ATRNL1: variants seen among roughly 807,000 people sequenced by gnomAD.
The protein encoded by ATRNL1 is attractin-like protein 1.
A neutral mutation model predicts 182.7 loss-of-function variants in ATRNL1; 95 were observed. That is an observed-to-expected ratio of 0.52 (90% CI 0.44 to 0.62). The LOEUF is 0.62. Among genes scored for constraint, ATRNL1 ranks in the 20% least tolerant of loss-of-function variants. The pLI is 0.00. For missense variants in ATRNL1, 1,471 were observed against 1,679.5 expected (o/e 0.88, Z 2.17); for synonymous variants, 576 against 568.3 (o/e 1.01, Z -0.19).
intron 26 of ATRNL1, among the ~76,000 whole-genome samples, chr10:115,598,356 T>C (rs1291097885): frequency 1.4e-5 from 2 of 144,672 alleles, no homozygotes; most frequent in Non-Finnish European, 3.0e-5. Context: ...AAAAATTATT[T>C]ATTTATTTAT....
At chr10:115,416,123 A>T (rs569063704) in intron 20 of ATRNL1, among the ~76,000 whole-genome samples, 1 of 152,090 alleles carries the variant, frequency 6.6e-6, no homozygotes, top group African/African-American at 2.4e-5. Flanking sequence ...AAAGTTAAAG[A>T]TTATCTTTGA....
chr10:115,713,466 T>TGTTTGTGTGTGTATGTGA (rs1565310421), intron 26 of ATRNL1, among the ~76,000 whole-genome samples: 1 of 151,816 alleles, frequency 6.6e-6, no homozygotes, highest in Admixed American at 6.6e-5. Context: ...TGTGTGTGTG[T>TGTTTGTGTGTGTATGTGA]TTGTGTGTGT....
chr10:115,595,989 C>G (rs1328003661), intron 26 of ATRNL1, among the ~76,000 whole-genome samples: 2 of 152,036 alleles, frequency 1.3e-5, no homozygotes, highest in Non-Finnish European at 2.9e-5. Flanking sequence ...GTTTTCATCT[C>G]TGTGGTTTTG....
intron 26 of ATRNL1, among the ~76,000 whole-genome samples, chr10:115,561,727 G>A (rs1029159720): frequency 1.4e-5 from 2 of 147,700 alleles, no homozygotes; most frequent in East Asian, 2.1e-4. Context: ...GTGTGTGTTT[G>A]TGTGGTCAGT....
At chr10:115,455,397 A>G (rs963841045) in intron 21 of ATRNL1, among the ~76,000 whole-genome samples, 1 of 152,166 alleles carries the variant, frequency 6.6e-6, no homozygotes, top group Non-Finnish European at 1.5e-5. Context: ...AGGATTCCCT[A>G]TGTAATAAAT....
chr10:115,254,195 C>T (rs1448276410), intron 10 of ATRNL1, among the ~76,000 whole-genome samples: 1 of 152,134 alleles, frequency 6.6e-6, no homozygotes, highest in African/African-American at 2.4e-5. Context: ...GTTCTAAATC[C>T]TTGAGGAATC....
chr10:115,589,304 CTTAAAA>C (rs1208447313), intron 26 of ATRNL1, among the ~76,000 whole-genome samples: 63 of 151,970 alleles, frequency 4.1e-4, no homozygotes, highest in African/African-American at 1.4e-3. Flanking sequence ...AAATGATCTA[CTTAAAA>C]TTAATTACTC....
chr10:115,401,091 G>T (rs1312514824), intron 20 of ATRNL1, among the ~76,000 whole-genome samples: 2 of 151,750 alleles, frequency 1.3e-5, no homozygotes, highest in Admixed American at 6.6e-5. Flanking sequence ...GGTGGAGATG[G>T]AATAGCACCC....
chr10:115,903,943 C>T (rs782770176), intron 28 of ATRNL1, among the ~76,000 whole-genome samples: 5 of 151,966 alleles, frequency 3.3e-5, no homozygotes, highest in African/African-American at 4.8e-5. Context: ...GACACCAAGA[C>T]GAGGTGAAAT....
At chr10:115,255,245 T>C (rs1242026180) in intron 10 of ATRNL1, among the ~76,000 whole-genome samples, 2 of 152,234 alleles carry the variant, frequency 1.3e-5, no homozygotes, top group East Asian at 1.9e-4. Flanking sequence ...ATTTTCACGA[T>C]ACTGATTCTT....
At chr10:115,097,513 T>A (rs1261052032) in intron 1 of ATRNL1, among the ~76,000 whole-genome samples, 1 of 151,936 alleles carries the variant, frequency 6.6e-6, no homozygotes, top group Non-Finnish European at 1.5e-5. Context: ...ATATGAAGCA[T>A]TCTATTTGTA....
At chr10:115,484,063 T>C (rs1848901224) in intron 24 of ATRNL1, among the ~76,000 whole-genome samples, 1 of 151,530 alleles carries the variant, frequency 6.6e-6, no homozygotes, top group African/African-American at 2.4e-5. Context: ...ACTCCCTTTC[T>C]TGGGATAATG....
intron 20 of ATRNL1, among the ~76,000 whole-genome samples, chr10:115,403,768 G>C (rs926310981): frequency 6.6e-6 from 1 of 152,122 alleles, no homozygotes; most frequent in African/African-American, 2.4e-5. Context: ...ACTAAATATT[G>C]TTAAGATTTT....
At chr10:115,762,845 A>G (rs1259240479) in intron 27 of ATRNL1, among the ~76,000 whole-genome samples, 1 of 152,128 alleles carries the variant, frequency 6.6e-6, no homozygotes, top group African/African-American at 2.4e-5. Context: ...AAATGAAAGC[A>G]TACAATTTTT....
Position 115,146,829 on chromosome 10 carries a change from G to A in ATRNL1, c.830-13211G>A, listed in dbSNP as rs113504054. On this transcript the variant is annotated intron_variant, in intron 5 of 28. Coordinates refer to ENST00000355044, the MANE Select transcript of ATRNL1 (RefSeq NM_207303.4). The stretch of plus-strand genomic sequence containing the variant: ...TTTTTTTTTTTTGTGGCTGACTAGC[G>A]TTCCATTATGTATATACACTATATT... 2.2e-3 allele frequency among the ~76,000 whole-genome samples: 321 copies of A among 149,108 alleles called. 1 individual carries two copies. In the South Asian group the frequency reaches 0.023, roughly 11 times the overall value.
intron 8 of ATRNL1, among the ~76,000 whole-genome samples, chr10:115,189,764 T>C (rs1554889490): frequency 6.6e-6 from 1 of 152,126 alleles, no homozygotes; most frequent in Non-Finnish European, 1.5e-5. Context: ...TTAAAAAATT[T>C]AGTGTTGACT....
intron 4 of ATRNL1, 49 bp downstream of exon 4, chr10:115,127,770 T>C (rs781900461): frequency 3.0e-5 from 38 of 1,274,828 alleles, no homozygotes; most frequent in Non-Finnish European, 3.8e-5. Context: ...TGTAATTTAA[T>C]GTAAAAGAGG....
chr10:115,401,663 C>A (rs1844569835), intron 20 of ATRNL1, among the ~76,000 whole-genome samples: 1 of 152,066 alleles, frequency 6.6e-6, no homozygotes, highest in Admixed American at 6.6e-5. Flanking sequence ...TGTATACATT[C>A]TGTTTCTGGT....
In ATRNL1 at chr10:115,093,780, T is replaced by C; in HGVS notation, c.30T>C (p.Gly10=). The C allele has an allele frequency of 7.0e-7, 1 of 1,424,510 alleles. No homozygotes were observed. Among genetic ancestry groups the C allele is most frequent in the Non-Finnish European group, 9.1e-7 (1 of 1,096,178 alleles). The allele number at this position is 1,424,510 out of a possible 1,614,324, so 88.2% of individuals were successfully genotyped here. Residue 10 remains glycine, a synonymous_variant, in exon 1 of 29, where the codon GGT becomes GGC. Transcript: ENST00000355044. The surrounding 1 kb of genome is among the most constrained non-coding windows in gnomAD (Gnocchi z 6.1). METGGRART[G]TPQPAAPGVW... ...AGACTGGGGGCCGGGCCCGCACTGG[T>C]ACCCCGCAGCCAGCGGCCCCGGGGG...
Sources: allele counts gnomAD v4.1 joint callset (sites outside exome capture counted in the v4.1 genomes callset), GRCh38; gene constraint gnomAD v4.1.1; non-coding constraint Gnocchi (gnomAD v3.1); transcripts MANE v1.5; gene names NCBI Gene and HGNC (gene_info 2026-07-23, HGNC 2026-07-21).